CHSY3: variants seen among roughly 807,000 people sequenced by gnomAD.
CHSY3 encodes chondroitin sulfate synthase 3.
A neutral mutation model predicts 67.2 loss-of-function variants in CHSY3; 35 were observed. The observed-to-expected ratio is 0.52, with a 90% CI of 0.40 to 0.69. CHSY3 has a LOEUF of 0.69. Ranked by LOEUF, CHSY3 falls within the 30% of genes least tolerant of loss-of-function variation. The probability of loss-of-function intolerance (pLI) is 0.00; values close to 1 mark genes in which losing one functional copy is unlikely to be tolerated. For missense variants in CHSY3, 1,069 were observed against 1,138.5 expected (o/e 0.94, Z 0.88); for synonymous variants, 474 against 434.7 (o/e 1.09, Z -1.12).
chr5:130,129,601 CAAT>C (rs1356480751), intron 2 of CHSY3, among the ~76,000 whole-genome samples: 2 of 152,090 alleles, frequency 1.3e-5, no homozygotes, highest in African/African-American at 2.4e-5. Flanking sequence ...TTTAGAGACA[CAAT>C]AATATGAATA....
intron 2 of CHSY3, among the ~76,000 whole-genome samples, chr5:129,939,959 G>C (rs1422331283): frequency 6.6e-6 from 1 of 152,070 alleles, no homozygotes; most frequent in African/African-American, 2.4e-5. Flanking sequence ...TGAGTTATAG[G>C]ACTGTTTAAA....
intron 2 of CHSY3, among the ~76,000 whole-genome samples, chr5:130,069,501 A>T (rs961723643): frequency 6.6e-5 from 10 of 151,964 alleles, no homozygotes; most frequent in Admixed American, 2.0e-4. Context: ...AAATATATAT[A>T]TTTTTAAAAT....
At chr5:129,912,624 G>A (rs1313806808) in intron 2 of CHSY3, among the ~76,000 whole-genome samples, 1 of 152,136 alleles carries the variant, frequency 6.6e-6, no homozygotes, top group Non-Finnish European at 1.5e-5. Flanking sequence ...GATATGTACT[G>A]CTTTTCACCA....
At chr5:130,131,845 G>A (rs566266242) in intron 2 of CHSY3, among the ~76,000 whole-genome samples, 2 of 152,244 alleles carry the variant, frequency 1.3e-5, no homozygotes, top group African/African-American at 2.4e-5. Flanking sequence ...GTGTGTATGT[G>A]AGAAGCAAAC....
intron 2 of CHSY3, among the ~76,000 whole-genome samples, chr5:129,969,400 C>T (rs991413908): frequency 6.6e-6 from 1 of 151,708 alleles, no homozygotes; most frequent in Admixed American, 6.6e-5. Flanking sequence ...TTAAATAGAT[C>T]ATGTTTTATG....
intron 2 of CHSY3, among the ~76,000 whole-genome samples, chr5:129,984,036 T>C (rs944837215): frequency 6.6e-6 from 1 of 152,096 alleles, no homozygotes; most frequent in Non-Finnish European, 1.5e-5. Flanking sequence ...TATTTTCATT[T>C]TCCAACTTTT....
intron 2 of CHSY3, among the ~76,000 whole-genome samples, chr5:129,965,798 A>T (rs1446727217): frequency 6.6e-6 from 1 of 151,932 alleles, no homozygotes; most frequent in Non-Finnish European, 1.5e-5. Context: ...GTCACCAGAG[A>T]TTTTATTTTA....
intron 2 of CHSY3, among the ~76,000 whole-genome samples, chr5:129,987,052 A>T (rs910463109): frequency 2.0e-5 from 3 of 152,196 alleles, no homozygotes; most frequent in African/African-American, 7.2e-5. Flanking sequence ...ATAATTTTTT[A>T]AATTAACTCA....
intron 2 of CHSY3, among the ~76,000 whole-genome samples, chr5:130,049,007 GCA>G (rs1765240771): frequency 6.6e-6 from 1 of 151,586 alleles, no homozygotes; most frequent in African/African-American, 2.4e-5. Context: ...AGACACACAC[GCA>G]CACACACACA....
At chr5:129,923,798 C>T (rs754967433) in intron 2 of CHSY3, among the ~76,000 whole-genome samples, 2 of 152,058 alleles carry the variant, frequency 1.3e-5, no homozygotes, top group African/African-American at 2.4e-5. Flanking sequence ...GATATGAGGG[C>T]AGATATCATG....
At chr5:130,172,269 A>T (rs1417271647) in intron 2 of CHSY3, among the ~76,000 whole-genome samples, 1 of 151,374 alleles carries the variant, frequency 6.6e-6, no homozygotes, top group African/African-American at 2.4e-5. Context: ...TAAAATAAAA[A>T]CTGAAGAAAA....
Position 130,174,960 on chromosome 5 carries a change from A to G in CHSY3, c.1087-9269A>G, listed in dbSNP as rs1247904117. ...ACAATGAGACATACATGGAAAAGAG[A>G]CACACATGGAAAAGATATAATAGTG... On this transcript the variant is annotated intron_variant, in intron 2 of 2. Coordinates refer to ENST00000305031, the MANE Select transcript of CHSY3 (RefSeq NM_175856.5). Among the ~76,000 whole-genome samples, 4 of 152,156 alleles carry G rather than the reference A, an allele frequency of 2.6e-5. No individual in the cohort carries two copies. The East Asian group carries it at 5.8e-4, about 22-fold the overall frequency.
chr5:130,075,767 T>C (rs1016447931), intron 2 of CHSY3, among the ~76,000 whole-genome samples: 1 of 152,150 alleles, frequency 6.6e-6, no homozygotes, highest in Admixed American at 6.6e-5. Context: ...TGAGATCAAG[T>C]AAGGCTAGTG....
At position 130,184,590 on chromosome 5, in the gene CHSY3, C is replaced by T. The variant is rs1561574968; in HGVS notation, c.1448C>T (p.Pro483Leu). The T allele has an allele frequency of 1.9e-6, 3 of 1,612,238 alleles. No homozygotes were observed. Among genetic ancestry groups the T allele is most frequent in the Non-Finnish European group, 2.5e-6 (3 of 1,178,410 alleles). ...TACTCAGCAGCTGAGAACCAGCCCC[C>T]TCGACAGAGCCTCAGTAGCATTTTA... ...LLYSAAENQPPRQSLSSILRT... is the reference protein window; with the variant it reads ...LLYSAAENQPLRQSLSSILRT... Residue 483 changes from proline (P) to leucine (L), a missense_variant, in exon 3 of 3, where the codon CCT becomes CTT. Physicochemically the swap from Pro to Leu is moderately conservative, Grantham distance 98. Around this residue, in one of 5 missense-constraint regions of CHSY3, gnomAD observed 401 missense variants for 395.2 expected, o/e 1.01. Transcript: ENST00000305031.
chr5:130,127,878 T>C (rs1768344937), intron 2 of CHSY3, among the ~76,000 whole-genome samples: 1 of 152,180 alleles, frequency 6.6e-6, no homozygotes, highest in South Asian at 2.1e-4. Flanking sequence ...TCTATAAATA[T>C]ATGCTTTAAA....
At position 130,000,299 on chromosome 5, in the gene CHSY3, T is replaced by A. The variant is rs534119768; in HGVS notation, c.1086+91939T>A. Among the ~76,000 whole-genome samples the A allele has an allele frequency of 5.9e-5, 9 of 152,308 alleles. No homozygotes were observed. The South Asian group carries it at 1.4e-3, about 25-fold the overall frequency. ...TATAAAAATAACACTTTGTAGCAGG[T>A]ACAAATAATAAGGTAGAATGAGGGT... On this transcript the variant is annotated intron_variant, in intron 2 of 2. Coordinates refer to ENST00000305031, the MANE Select transcript of CHSY3 (RefSeq NM_175856.5).
At chr5:129,905,833 T>C in intron 1 of CHSY3, 2 of 1,106,890 alleles carry the variant, frequency 1.8e-6, no homozygotes, top group African/African-American at 1.8e-5. Context: ...ATCTGGACCC[T>C]CCTCACACCT....
chr5:130,075,337 A>AG (rs1475261637), intron 2 of CHSY3, among the ~76,000 whole-genome samples: 1 of 152,188 alleles, frequency 6.6e-6, no homozygotes, highest in African/African-American at 2.4e-5. Flanking sequence ...AATACAATAA[A>AG]GCAATATAAA....
At chr5:130,016,777 G>A (rs992447570) in intron 2 of CHSY3, among the ~76,000 whole-genome samples, 9 of 152,108 alleles carry the variant, frequency 5.9e-5, no homozygotes, top group South Asian at 4.1e-4. Context: ...ATCATATTAC[G>A]TATTAATTAG....
Sources: gnomAD v4.1 joint callset for allele counts (sites outside exome capture counted in the v4.1 genomes callset) on GRCh38, gnomAD v4.1.1 for gene constraint, gnomAD v4.1.1 regional missense constraint, MANE v1.5 for transcripts, NCBI Gene and HGNC (gene_info 2026-07-23, HGNC 2026-07-21) for gene names.